The following IL1RAPL2 variants were observed in gnomAD, a reference collection of about 807,000 sequenced individuals.
IL1RAPL2 encodes the protein interleukin 1 receptor accessory protein like 2, also known as X-linked interleukin-1 receptor accessory protein-like 2.
In IL1RAPL2, 3 loss-of-function variants were observed where a neutral mutation model predicts 44.1. That is an observed-to-expected ratio of 0.07 (90% CI 0.03 to 0.18). The LOEUF (loss-of-function observed/expected upper bound fraction) is 0.18, where lower values mean the gene tolerates loss of function less well. Ranked by LOEUF, IL1RAPL2 falls within the 10% of genes least tolerant of loss-of-function variation. The pLI is 1.00. For synonymous variants in IL1RAPL2, 181 were observed against 178.8 expected (o/e 1.01, Z -0.10); for missense variants, 391 against 496.4 (o/e 0.79, Z 2.02).
chrX:105,237,443 C>A (rs1475423100), intron 4 of IL1RAPL2, among the ~76,000 whole-genome samples: 1 of 111,841 alleles, frequency 8.9e-6, no homozygotes, highest in Non-Finnish European at 1.9e-5. Context: ...ATGATTGAAC[C>A]AGTTTACAGT....
chrX:105,632,501 T>G (rs1216464981), intron 6 of IL1RAPL2, among the ~76,000 whole-genome samples: 3 of 111,596 alleles, frequency 2.7e-5, no homozygotes, highest in Non-Finnish European at 5.7e-5. Flanking sequence ...CATTTTTTAT[T>G]GAAGGTGGTG....
Position 105,371,155 on chromosome X carries a change from C to G in IL1RAPL2, c.697+103614C>G, listed in dbSNP as rs761641808. On this transcript the variant is annotated intron_variant, in intron 5 of 10. Transcript: ENST00000372582. ...AGACCTTTGTCAGATGCACAGTTTG[C>G]AAATACTTCCTCCCATTATGTAGGT... Among the ~76,000 whole-genome samples, 48 of 112,155 alleles carry G rather than the reference C, an allele frequency of 4.3e-4. No individual in the cohort carries two copies. The Admixed American group carries it at 4.4e-3, about 10-fold the overall frequency.
intron 2 of IL1RAPL2, among the ~76,000 whole-genome samples, chrX:105,123,294 T>C (rs2032943658): frequency 1.8e-5 from 2 of 111,185 alleles, no homozygotes; most frequent in Admixed American, 1.9e-4. Flanking sequence ...CCTGCAATAT[T>C]CTTTAAATAT....
intron 2 of IL1RAPL2, among the ~76,000 whole-genome samples, chrX:105,041,366 G>A (rs2031732889): frequency 9.0e-6 from 1 of 111,058 alleles, no homozygotes; most frequent in Non-Finnish European, 1.9e-5. Flanking sequence ...TTGATTTGGG[G>A]TGGAGAGTTC....
At chrX:105,732,023 GCA>G (rs2038410139) in intron 7 of IL1RAPL2, among the ~76,000 whole-genome samples, 1 of 111,103 alleles carries the variant, frequency 9.0e-6, no homozygotes, top group African/African-American at 3.3e-5. Flanking sequence ...GTTGATTATT[GCA>G]CATTCTGTAT....
intron 2 of IL1RAPL2, among the ~76,000 whole-genome samples, chrX:105,121,577 T>A (rs2147572415): frequency 8.9e-6 from 1 of 112,374 alleles, no homozygotes; most frequent in East Asian, 2.8e-4. Context: ...TTCTATTAAA[T>A]AGGTTTATTT....
chrX:105,227,566 T>A (rs1428174269), intron 3 of IL1RAPL2, among the ~76,000 whole-genome samples: 1 of 112,043 alleles, frequency 8.9e-6, no homozygotes, highest in Non-Finnish European at 1.9e-5. Flanking sequence ...ATCCTTATAT[T>A]AGGTTTACAT....
rs1290255947 is a variant in IL1RAPL2, at chrX:104,907,999, C to T, written c.82+249004C>T. On this transcript the variant is annotated intron_variant, in intron 2 of 10. Coordinates refer to ENST00000372582, the MANE Select transcript of IL1RAPL2 (RefSeq NM_017416.2). Reference sequence around the variant, plus strand: ...AATTTGGGTGCTCCTGTGTTGGGTGCATATATATTTAGGATAGTTAGCTCT... The same window carrying T: ...AATTTGGGTGCTCCTGTGTTGGGTGTATATATATTTAGGATAGTTAGCTCT... 2.7e-5 allele frequency among the ~76,000 whole-genome samples: 3 copies of T among 110,482 alleles called. No individual in the cohort carries two copies. In the East Asian group the frequency reaches 8.6e-4, roughly 32 times the overall value.
rs1200114135 is a variant in IL1RAPL2, at chrX:105,110,909, C to A, written c.83-84566C>A. On this transcript the variant is annotated intron_variant, in intron 2 of 10. Coordinates refer to ENST00000372582, the MANE Select transcript of IL1RAPL2 (RefSeq NM_017416.2). ...CCAAGATTGTGCCACTGCACTCCAGCCTGGGCAACAGAGCGAGACTCCACC... is the reference window on the plus strand; with the variant it reads ...CCAAGATTGTGCCACTGCACTCCAGACTGGGCAACAGAGCGAGACTCCACC... Among the ~76,000 whole-genome samples the A allele has an allele frequency of 2.7e-5, 3 of 111,083 alleles. 1 individual carries two copies. Among genetic ancestry groups the A allele is most frequent in the African/African-American group, 9.9e-5 (3 of 30,454 alleles).
chrX:105,151,093 A>G (rs149162001), intron 2 of IL1RAPL2, among the ~76,000 whole-genome samples: 6 of 111,897 alleles, frequency 5.4e-5, no homozygotes, highest in Non-Finnish European at 7.5e-5. Flanking sequence ...AGTTAAATAA[A>G]TCTTTCTATA....
intron 6 of IL1RAPL2, among the ~76,000 whole-genome samples, chrX:105,494,079 GT>G (rs1170347545): frequency 8.9e-6 from 1 of 111,758 alleles, no homozygotes; most frequent in East Asian, 2.8e-4. Flanking sequence ...ACAATAGGAA[GT>G]ATAGATTAAA....
chrX:104,846,074 C>T (rs185879631), intron 2 of IL1RAPL2, among the ~76,000 whole-genome samples: 2 of 110,947 alleles, frequency 1.8e-5, no homozygotes, highest in South Asian at 3.9e-4. Flanking sequence ...AGTATTGGGC[C>T]GATATCATTT....
chrX:105,363,292 ATATATATATATATATAATATATATAT>A, intron 5 of IL1RAPL2, among the ~76,000 whole-genome samples: 1 of 68,363 alleles, frequency 1.5e-5, no homozygotes, highest in Non-Finnish European at 2.3e-5. Flanking sequence ...TATATATAAT[ATATATATATATATATAATATATATAT>A]ATATATATAT....
intron 2 of IL1RAPL2, among the ~76,000 whole-genome samples, chrX:104,847,359 T>G (rs749268549): frequency 8.9e-6 from 1 of 111,850 alleles, no homozygotes; most frequent in South Asian, 3.7e-4. Context: ...CATCTTGAAT[T>G]AATTTTTGTA....
At chrX:105,008,248 A>G (rs933035479) in intron 2 of IL1RAPL2, among the ~76,000 whole-genome samples, 7 of 110,622 alleles carry the variant, frequency 6.3e-5, no homozygotes, top group African/African-American at 2.3e-4. Context: ...CACTCCCACA[A>G]TAATGGTATT....
chrX:105,489,361 T>G (rs1692170811), intron 6 of IL1RAPL2, among the ~76,000 whole-genome samples: 1 of 112,092 alleles, frequency 8.9e-6, no homozygotes, highest in Non-Finnish European at 1.9e-5. Context: ...CAACACTGTA[T>G]TACAATATAT....
At position 105,212,700 on chromosome X, in the gene IL1RAPL2, G is replaced by C. The variant is rs2033818178; in HGVS notation, c.356+16952G>C. Among the ~76,000 whole-genome samples the C allele has an allele frequency of 4.5e-5, 5 of 112,022 alleles. No individual in the cohort carries two copies. The South Asian group carries it at 1.9e-3, about 42-fold the overall frequency. ...CTGACTGGGAGAAACCTCCTAACAA[G>C]GGTTGACAGACACCTCATACAGGAG... On this transcript the variant is annotated intron_variant, in intron 3 of 10. Transcript: ENST00000372582.
intron 2 of IL1RAPL2, among the ~76,000 whole-genome samples, chrX:105,050,827 G>C (rs1288089467): frequency 8.9e-5 from 10 of 112,344 alleles, no homozygotes; most frequent in Non-Finnish European, 1.3e-4. Context: ...GGAGGCCCTG[G>C]AGAGGGTGGC....
intron 1 of IL1RAPL2, among the ~76,000 whole-genome samples, chrX:104,632,604 A>T (rs1362492903): frequency 1.9e-5 from 2 of 107,430 alleles, no homozygotes; most frequent in African/African-American, 3.4e-5. Context: ...CTTTGAAGCA[A>T]TTGTGAATGG....
Sources: gnomAD v4.1 joint callset for allele counts (sites outside exome capture counted in the v4.1 genomes callset) on GRCh38, gnomAD v4.1.1 for gene constraint, MANE v1.5 for transcripts, NCBI Gene and HGNC (gene_info 2026-07-23, HGNC 2026-07-21) for gene names.